Variants in NFATC2 observed in about 807,000 individuals in gnomAD.
The protein encoded by NFATC2 is nuclear factor of activated T cells 2.
In NFATC2, 22 loss-of-function variants were observed where a neutral mutation model predicts 87.3. The ratio of observed to expected loss-of-function variants is 0.25; its 90% CI spans 0.18 to 0.36. NFATC2 has a LOEUF of 0.36. Among genes scored for constraint, NFATC2 ranks in the 10% least tolerant of loss-of-function variants. The probability of loss-of-function intolerance (pLI) is 1.00; values close to 1 mark genes in which losing one functional copy is unlikely to be tolerated. For synonymous variants in NFATC2, 565 were observed against 542.2 expected (o/e 1.04, Z -0.58); for missense variants, 1,149 against 1,259.1 (o/e 0.91, Z 1.32).
intron 1 of NFATC2, among the ~76,000 whole-genome samples, chr20:51,548,835 C>T (rs2076910068): frequency 6.6e-6 from 1 of 152,222 alleles, no homozygotes; most frequent in African/African-American, 2.4e-5. Flanking sequence ...CCCTTCTTTG[C>T]TCAGCTTTAT....
chr20:51,553,534 G>A (rs1320781025), intron 1 of NFATC2, among the ~76,000 whole-genome samples: 2 of 152,022 alleles, frequency 1.3e-5, no homozygotes, highest in African/African-American at 4.8e-5. Flanking sequence ...AATTAGCCGG[G>A]CATGGTGGCA....
intron 2 of NFATC2, among the ~76,000 whole-genome samples, 161 bp from the exon 3 acceptor site, chr20:51,517,116 G>C (rs917672504): frequency 6.6e-6 from 1 of 152,162 alleles, no homozygotes; most frequent in Admixed American, 6.5e-5. Context: ...GAACATCAGA[G>C]TGCACTTACA....
intron 3 of NFATC2, among the ~76,000 whole-genome samples, chr20:51,509,726 C>T (rs973923966): frequency 1.3e-5 from 2 of 152,254 alleles, no homozygotes; most frequent in African/African-American, 4.8e-5. Flanking sequence ...GAAAAAATCC[C>T]ATCTGGCTTG....
chr20:51,490,332 C>T (rs1275601895), intron 3 of NFATC2, among the ~76,000 whole-genome samples: 12 of 152,148 alleles, frequency 7.9e-5, no homozygotes, highest in African/African-American at 2.9e-4. Flanking sequence ...AGAGAGAAGC[C>T]AGGATTCCAA....
At chr20:51,513,817 T>C (rs2076309438) in intron 3 of NFATC2, among the ~76,000 whole-genome samples, 1 of 152,248 alleles carries the variant, frequency 6.6e-6, no homozygotes, top group Non-Finnish European at 1.5e-5. Context: ...TGGAACAGCA[T>C]GCAAAACTAG....
At chr20:51,406,642 C>A (rs556390567) in intron 9 of NFATC2, among the ~76,000 whole-genome samples, 229 of 152,346 alleles carry the variant, frequency 1.5e-3, no homozygotes, top group Non-Finnish European at 2.1e-3. Flanking sequence ...TCAATTCCCA[C>A]AAACCCACCA....
At chr20:51,422,697 CA>C (rs1981133996) in intron 9 of NFATC2, among the ~76,000 whole-genome samples, 1 of 151,890 alleles carries the variant, frequency 6.6e-6, no homozygotes, top group Admixed American at 6.6e-5. Flanking sequence ...AAAACACACC[CA>C]AATCTCAAGT....
At chr20:51,438,443 GAAA>G (rs11474098) in intron 6 of NFATC2, among the ~76,000 whole-genome samples, 2 of 139,002 alleles carry the variant, frequency 1.4e-5, no homozygotes, top group African/African-American at 2.7e-5. Flanking sequence ...AGCTTGCTTT[GAAA>G]AAAAAAAAAA....
rs3746420 is a variant in NFATC2 at position 51,524,088 on chromosome 20, G to C, written c.153C>G (p.Val51=). ...PNEEEPNAHK[V]ASPPSGPAYP... ...ATGCGGGTCCGGAGGGTGGGCTGGC[G>C]ACCTTATGTGCATTCGGCTCTTCTG... The change falls in exon 2 of 11, where the codon GTC becomes GTG. Residue 51 remains valine, a synonymous_variant. Transcript: ENST00000371564. This position sits in a 1 kb window ranked among gnomAD's most constrained non-coding sequence, Gnocchi z 4.0. 87,330 of 1,469,484 alleles carry C rather than the reference G, an allele frequency of 0.059. 2,709 individuals carry two copies. The highest frequency in any genetic ancestry group is 0.076 in the Middle Eastern group (419 of 5,494). 91.0% of individuals were successfully genotyped at this position (1,469,484 alleles called of 1,614,324 possible).
rs374907981 is a variant in NFATC2 at position 51,432,455 on chromosome 20, C to T, written c.2334G>A (p.Ala778=). 11 of 1,566,636 alleles carry T rather than the reference C, an allele frequency of 7.0e-6. No homozygotes were observed. Among genetic ancestry groups the T allele is most frequent in the East Asian group, 2.3e-5 (1 of 44,358 alleles). The change falls in exon 9 of 11, where the codon GCG becomes GCA. Residue 778 remains alanine, a synonymous_variant. Coordinates refer to ENST00000371564, the MANE Select transcript of NFATC2 (RefSeq NM_012340.5). The surrounding 1 kb of genome is among the most constrained non-coding windows in gnomAD (Gnocchi z 4.6). ...PALMAAPLSL[A]DAHRSVLVHA... is the part of the protein sequence containing the mutation. ...GCACCAGCACAGAGCGGTGAGCGTCCGCAAGGGACAGCGGGGCGGCCATGA... is the reference window on the plus strand; with the variant it reads ...GCACCAGCACAGAGCGGTGAGCGTCTGCAAGGGACAGCGGGGCGGCCATGA...
chr20:51,442,335 G>T (rs1446960808), intron 6 of NFATC2, among the ~76,000 whole-genome samples: 1 of 152,168 alleles, frequency 6.6e-6, no homozygotes, highest in Non-Finnish European at 1.5e-5. Context: ...AGGAGGCTGA[G>T]GCATGAGAAT....
At chr20:51,401,094 G>A (rs1482028604) in intron 9 of NFATC2, among the ~76,000 whole-genome samples, 2 of 152,192 alleles carry the variant, frequency 1.3e-5, no homozygotes, top group Non-Finnish European at 2.9e-5. Context: ...TATAGGCCAG[G>A]CACAGTGGCT....
intron 5 of NFATC2, among the ~76,000 whole-genome samples, chr20:51,468,068 A>G (rs548379194): frequency 3.6e-4 from 55 of 152,350 alleles, no homozygotes; most frequent in African/African-American, 1.3e-3. Flanking sequence ...CCAGAAGGGT[A>G]CACACTGTAT....
chr20:51,404,016 TG>T (rs1207846941), intron 9 of NFATC2, among the ~76,000 whole-genome samples: 6 of 152,206 alleles, frequency 3.9e-5, no homozygotes, highest in African/African-American at 1.4e-4. Flanking sequence ...CAGCATCCCA[TG>T]GCTGGTCCGT....
intron 6 of NFATC2, among the ~76,000 whole-genome samples, chr20:51,442,222 A>C (rs746081799): frequency 1.3e-5 from 2 of 152,200 alleles, no homozygotes; most frequent in Non-Finnish European, 2.9e-5. Context: ...ACTTGAGGTC[A>C]GGAGTTTGAG....
At chr20:51,549,964 G>C (rs1377964210) in intron 1 of NFATC2, among the ~76,000 whole-genome samples, 1 of 152,176 alleles carries the variant, frequency 6.6e-6, no homozygotes, top group African/African-American at 2.4e-5. Context: ...TTATGTAGCC[G>C]GCTCTGATAG....
At chr20:51,527,596 G>A (rs2076565568) in intron 1 of NFATC2, among the ~76,000 whole-genome samples, 2 of 152,164 alleles carry the variant, frequency 1.3e-5, no homozygotes, top group South Asian at 4.1e-4. Flanking sequence ...CACTAAACAG[G>A]CCCTCAGAAA....
At chr20:51,420,972 G>A (rs1419315409) in intron 9 of NFATC2, among the ~76,000 whole-genome samples, 1 of 151,468 alleles carries the variant, frequency 6.6e-6, no homozygotes, top group Non-Finnish European at 1.5e-5. Context: ...GAGGCAGGAA[G>A]ATTGTTTGAG....
At chr20:51,424,178 A>T (rs1822577907) in intron 9 of NFATC2, among the ~76,000 whole-genome samples, 1 of 152,224 alleles carries the variant, frequency 6.6e-6, no homozygotes, top group South Asian at 2.1e-4. Flanking sequence ...CAACTCTTGC[A>T]GATTCTGTGG....
Sources: allele counts gnomAD v4.1 joint callset (sites outside exome capture counted in the v4.1 genomes callset), GRCh38; gene constraint gnomAD v4.1.1; non-coding constraint Gnocchi (gnomAD v3.1); transcripts MANE v1.5; gene names NCBI Gene and HGNC (gene_info 2026-07-23, HGNC 2026-07-21).